Variants in PDE11A observed in about 807,000 individuals in gnomAD.
The protein encoded by PDE11A is phosphodiesterase 11A.
PDE11A carries 100 observed loss-of-function variants against 100.5 expected under a neutral mutation model. That is an observed-to-expected ratio of 1.00 (90% CI 0.85 to 1.18). The LOEUF is 1.18. Among genes scored for constraint, PDE11A ranks in the 50% most tolerant of loss-of-function variants. The pLI is 0.00. For synonymous variants in PDE11A, 381 were observed against 420.8 expected (o/e 0.91, Z 1.16); for missense variants, 1,141 against 1,152.6 (o/e 0.99, Z 0.15).
chr2:177,908,414 G>A (rs2084824571), intron 2 of PDE11A, among the ~76,000 whole-genome samples: 1 of 152,180 alleles, frequency 6.6e-6, no homozygotes, highest in East Asian at 1.9e-4. Context: ...TGGTTATGAA[G>A]GCCAGAGTAG....
intron 2 of PDE11A, among the ~76,000 whole-genome samples, chr2:177,995,211 A>G (rs964980002): frequency 7.9e-5 from 12 of 152,118 alleles, no homozygotes; most frequent in Non-Finnish European, 1.3e-4. Flanking sequence ...TGGCGGGTCA[A>G]TTTTCAAATG....
chr2:177,905,582 G>T (rs1207904011), intron 2 of PDE11A, among the ~76,000 whole-genome samples: 1 of 152,120 alleles, frequency 6.6e-6, no homozygotes, highest in Admixed American at 6.5e-5. Context: ...AGGTAGGCAG[G>T]ATATAAGTCA....
intron 17 of PDE11A, among the ~76,000 whole-genome samples, chr2:177,670,834 G>C (rs1206044818): frequency 6.7e-6 from 1 of 149,504 alleles, no homozygotes; most frequent in Non-Finnish European, 1.5e-5. Context: ...AGTAAGTTCA[G>C]ATTTCTATAT....
chr2:178,073,065 A>C (rs372468181), upstream of PDE11A: 35 of 985,154 alleles, frequency 3.6e-5, 1 homozygote, highest in East Asian at 2.5e-3. Flanking sequence ...GCGCCCCTTA[A>C]TCCGTTAGCG....
At chr2:178,013,146 G>T (rs1459310716) in intron 2 of PDE11A, among the ~76,000 whole-genome samples, 1 of 152,154 alleles carries the variant, frequency 6.6e-6, no homozygotes, top group African/African-American at 2.4e-5. Context: ...GAACAAGCCT[G>T]TCTTTCCTAG....
intron 1 of PDE11A, among the ~76,000 whole-genome samples, chr2:178,048,346 C>T (rs910132602): frequency 5.9e-5 from 9 of 151,896 alleles, no homozygotes; most frequent in Admixed American, 2.6e-4. Context: ...GGGCTGGGGG[C>T]GCGGCATGAA....
chr2:177,909,031 T>C (rs529492960), intron 2 of PDE11A, among the ~76,000 whole-genome samples: 1 of 152,168 alleles, frequency 6.6e-6, no homozygotes, highest in Non-Finnish European at 1.5e-5. Flanking sequence ...GACAGATGAA[T>C]GGTATTTACT....
intron 2 of PDE11A, among the ~76,000 whole-genome samples, chr2:177,987,239 TG>T (rs1338402609): frequency 6.6e-6 from 1 of 152,190 alleles, no homozygotes; most frequent in East Asian, 1.9e-4. Context: ...CTTAAGGGGA[TG>T]AAGAGGGAAA....
chr2:178,101,330 C>G (rs1324539306), intron 2 of PDE11A, among the ~76,000 whole-genome samples: 1 of 152,118 alleles, frequency 6.6e-6, no homozygotes, highest in Non-Finnish European at 1.5e-5. Flanking sequence ...TGGGAGGGTC[C>G]CAAATGAAAA....
intron 6 of PDE11A, among the ~76,000 whole-genome samples, chr2:177,821,988 A>C (rs920836914): frequency 5.3e-5 from 8 of 151,956 alleles, no homozygotes; most frequent in Admixed American, 2.0e-4. Flanking sequence ...ATTCTGGATA[A>C]GAGCCCTCTG....
intron 6 of PDE11A, among the ~76,000 whole-genome samples, chr2:177,834,369 C>T (rs2105610517): frequency 6.6e-6 from 1 of 152,348 alleles, no homozygotes; most frequent in South Asian, 2.1e-4. Context: ...CATTCTCAGG[C>T]ATTGGAAATG....
chr2:177,818,832 C>T (rs4446096), intron 7 of PDE11A, among the ~76,000 whole-genome samples: 61,580 of 151,500 alleles, frequency 0.41, 14,347 homozygotes, highest in African/African-American at 0.64. Context: ...TTGAAAACCA[C>T]TAGCCTGTGT....
At chr2:178,104,920 T>C (rs768192320) in intron 1 of PDE11A, among the ~76,000 whole-genome samples, 2 of 152,202 alleles carry the variant, frequency 1.3e-5, no homozygotes, top group Non-Finnish European at 2.9e-5. Flanking sequence ...TGTTTAACTA[T>C]GATATTACTA....
chr2:177,897,842 C>G (rs1226798937), intron 4 of PDE11A, among the ~76,000 whole-genome samples: 1 of 152,042 alleles, frequency 6.6e-6, no homozygotes, highest in African/African-American at 2.4e-5. Flanking sequence ...CTCTAAAGTC[C>G]CTGTTAGCTT....
intron 18 of PDE11A, among the ~76,000 whole-genome samples, chr2:177,664,395 C>A (rs971194044): frequency 6.6e-6 from 1 of 151,964 alleles, no homozygotes. Flanking sequence ...AAATAGAAAC[C>A]ATTTATACTA....
chr2:177,918,545 A>T (rs868147763), intron 2 of PDE11A, among the ~76,000 whole-genome samples: 1 of 152,242 alleles, frequency 6.6e-6, no homozygotes, highest in Non-Finnish European at 1.5e-5. Flanking sequence ...TAGCTCATGT[A>T]GGGAAAAGCA....
intron 3 of PDE11A, chr2:177,899,637 A>ATAT: frequency 1.4e-5 from 3 of 208,688 alleles, no homozygotes; most frequent in South Asian, 8.8e-5. Flanking sequence ...CAGATTCTTA[A>ATAT]ATATATATAT....
At chr2:177,722,705 C>T (rs2081548229) in intron 12 of PDE11A, among the ~76,000 whole-genome samples, 1 of 152,154 alleles carries the variant, frequency 6.6e-6, no homozygotes, top group Non-Finnish European at 1.5e-5. Context: ...TCTGCAAAAA[C>T]ATTTAAAAAT....
intron 12 of PDE11A, among the ~76,000 whole-genome samples, chr2:177,713,029 G>T (rs912407705): frequency 4.0e-5 from 6 of 151,610 alleles, no homozygotes; most frequent in Non-Finnish European, 8.8e-5. Flanking sequence ...TTTTTTTTAG[G>T]AGACAGTCTT....
Sources: allele counts gnomAD v4.1 joint callset (sites outside exome capture counted in the v4.1 genomes callset), GRCh38; gene constraint gnomAD v4.1.1; transcripts MANE v1.5; gene names NCBI Gene and HGNC (gene_info 2026-07-23, HGNC 2026-07-21).